Variants in CFDP1 observed in about 807,000 individuals in gnomAD.
The protein encoded by CFDP1 is heterochromatin-stabilizing protein CFDP1.
CFDP1 carries 31 observed loss-of-function variants against 40.1 expected under a neutral mutation model. The observed-to-expected ratio is 0.77, with a 90% CI of 0.58 to 1.04. CFDP1 has a LOEUF of 1.04. Ranked by LOEUF, CFDP1 falls within the 50% of genes least tolerant of loss-of-function variation. The probability of loss-of-function intolerance (pLI) is 0.00; values close to 1 mark genes in which losing one functional copy is unlikely to be tolerated. For missense variants in CFDP1, 423 were observed against 343.4 expected (o/e 1.23, Z -1.83); for synonymous variants, 167 against 120.0 (o/e 1.39, Z -2.56).
intron 5 of CFDP1, among the ~76,000 whole-genome samples, chr16:75,316,525 G>A (rs908389130): frequency 1.4e-5 from 2 of 139,366 alleles, no homozygotes; most frequent in South Asian, 4.4e-4. Context: ...AGCTGTTATC[G>A]TGCCACTGCA....
At chr16:75,304,555 G>C (rs867684890) in intron 6 of CFDP1, among the ~76,000 whole-genome samples, 2 of 152,164 alleles carry the variant, frequency 1.3e-5, no homozygotes, top group African/African-American at 4.8e-5. Context: ...CTATAGCCAA[G>C]GGTAAAGCCC....
rs554763779 is a variant in CFDP1 at position 75,331,052 on chromosome 16, G to C, written c.651-25870C>G. ...ATGGGACTTATTTCACAGCTATTCA[G>C]GACAGGCCTCCTCTGCCACAAGGCT... On this transcript the variant is annotated intron_variant, in intron 5 of 6. Coordinates refer to ENST00000283882, the MANE Select transcript of CFDP1 (RefSeq NM_006324.3). 3.2e-4 allele frequency among the ~76,000 whole-genome samples: 49 copies of C among 151,790 alleles called. No individual in the cohort carries two copies. The East Asian group carries it at 8.9e-3, about 28-fold the overall frequency.
chr16:75,297,591 C>G (rs1395786098), intron 6 of CFDP1, among the ~76,000 whole-genome samples: 1 of 152,178 alleles, frequency 6.6e-6, no homozygotes, highest in African/African-American at 2.4e-5. Context: ...TGTGCGCAGC[C>G]CTTTTGGGGG....
chr16:75,312,839 G>T (rs1217069534), intron 5 of CFDP1, among the ~76,000 whole-genome samples: 2 of 152,158 alleles, frequency 1.3e-5, no homozygotes, highest in African/African-American at 4.8e-5. Flanking sequence ...CTAAGACATG[G>T]ACTGTTTTCC....
At chr16:75,398,929 C>T (rs1474170826) in intron 4 of CFDP1, among the ~76,000 whole-genome samples, 9 of 151,754 alleles carry the variant, frequency 5.9e-5, no homozygotes, top group Non-Finnish European at 7.4e-5. Flanking sequence ...TGGTGGCGGG[C>T]GCCTGTAGTC....
At chr16:75,347,430 A>G (rs1040172691) in intron 5 of CFDP1, among the ~76,000 whole-genome samples, 3 of 151,888 alleles carry the variant, frequency 2.0e-5, no homozygotes, top group Non-Finnish European at 2.9e-5. Context: ...CTGTAATCCC[A>G]GCACTTTAGG....
chr16:75,425,336 G>A (rs2079326087), intron 1 of CFDP1, among the ~76,000 whole-genome samples: 1 of 140,898 alleles, frequency 7.1e-6, no homozygotes, highest in African/African-American at 2.7e-5. Flanking sequence ...GCAGTGAGCA[G>A]AGATCGCGCC....
chr16:75,371,515 C>A (rs1194744103), intron 5 of CFDP1, among the ~76,000 whole-genome samples: 5 of 152,130 alleles, frequency 3.3e-5, no homozygotes. Context: ...TAAAAACTAA[C>A]CTTAAGCGTT....
At chr16:75,371,693 T>C (rs1354158760) in intron 5 of CFDP1, among the ~76,000 whole-genome samples, 1 of 152,192 alleles carries the variant, frequency 6.6e-6, no homozygotes, top group Non-Finnish European at 1.5e-5. Flanking sequence ...TTGTTACATA[T>C]TAGAATAATC....
At chr16:75,366,142 C>T (rs946586777) in intron 5 of CFDP1, among the ~76,000 whole-genome samples, 1 of 152,214 alleles carries the variant, frequency 6.6e-6, no homozygotes, top group African/African-American at 2.4e-5. Context: ...TGTCCATCAA[C>T]TGATGAATGG....
At chr16:75,299,513 T>C (rs953890079) in intron 6 of CFDP1, among the ~76,000 whole-genome samples, 2 of 150,852 alleles carry the variant, frequency 1.3e-5, no homozygotes, top group Non-Finnish European at 2.9e-5. Context: ...GAGAATGGCG[T>C]GAACCCGGGA....
Position 75,293,718 on chromosome 16 carries a change from A to G in CFDP1, c.*234T>C, listed in dbSNP as rs961018558. The G allele has an allele frequency of 1.6e-5, 8 of 496,856 alleles. No homozygotes were observed. The highest frequency in any genetic ancestry group is 2.9e-5 in the Non-Finnish European group (8 of 277,406). 30.8% of individuals were successfully genotyped at this position (496,856 alleles called of 1,614,324 possible). ...GAAGGTGAGCGAGGTCGTCATCTTCATTATCCTCTCACAGGACCAACTTTT... is the reference window on the plus strand; with the variant it reads ...GAAGGTGAGCGAGGTCGTCATCTTCGTTATCCTCTCACAGGACCAACTTTT... On this transcript the variant is annotated 3_prime_UTR_variant, in exon 7 of 7. Transcript: ENST00000283882.
At chr16:75,339,292 G>A (rs2078510540) in intron 5 of CFDP1, among the ~76,000 whole-genome samples, 1 of 152,052 alleles carries the variant, frequency 6.6e-6, no homozygotes, top group Non-Finnish European at 1.5e-5. Context: ...ACCCTTTAAT[G>A]AGGTTCTAAC....
chr16:75,342,797 T>C (rs1273088788), intron 5 of CFDP1, among the ~76,000 whole-genome samples: 1 of 152,144 alleles, frequency 6.6e-6, no homozygotes, highest in African/African-American at 2.4e-5. Flanking sequence ...CAGGAAACAT[T>C]TGGTACAGTC....
rs1567636725 is a variant in CFDP1 at position 75,294,125 on chromosome 16, C to G, written c.810-83G>C. ...CACAGTCCCATCCCCCAGGGATAAACTAAGTTACAGTAAATGGTGCCGAGA... is the reference window on the plus strand; with the variant it reads ...CACAGTCCCATCCCCCAGGGATAAAGTAAGTTACAGTAAATGGTGCCGAGA... On this transcript the variant is annotated intron_variant, in intron 6 of 6. Coordinates refer to ENST00000283882, the MANE Select transcript of CFDP1 (RefSeq NM_006324.3). 3 of 1,039,026 alleles carry G rather than the reference C, an allele frequency of 2.9e-6. No homozygotes were observed. The East Asian group carries it at 7.2e-5, about 25-fold the overall frequency. 64.4% of individuals were successfully genotyped at this position (1,039,026 alleles called of 1,614,324 possible).
At chr16:75,333,118 T>C (rs891514492) in intron 5 of CFDP1, among the ~76,000 whole-genome samples, 28 of 139,156 alleles carry the variant, frequency 2.0e-4, no homozygotes, top group Admixed American at 5.9e-4. Context: ...AGCCTACTCA[T>C]GTTCTTTTTT....
Position 75,404,011 on chromosome 16 carries a change from A to G in CFDP1, c.530+7814T>C, listed in dbSNP as rs540132985. Among the ~76,000 whole-genome samples, 3 of 151,742 alleles carry G rather than the reference A, an allele frequency of 2.0e-5. No homozygotes were observed. The South Asian group carries it at 6.3e-4, about 32-fold the overall frequency. On this transcript the variant is annotated intron_variant, in intron 4 of 6. Transcript: ENST00000283882. ...GCCGGGTGCAGTGGCAGGTGCCTGT[A>G]ATCCCAGCTACTCGGGAGGCTAAGG... is the stretch of plus-strand genomic sequence containing the variant.
At chr16:75,348,170 A>G (rs188801992) in intron 5 of CFDP1, among the ~76,000 whole-genome samples, 1 of 152,288 alleles carries the variant, frequency 6.6e-6, no homozygotes, top group East Asian at 1.9e-4. Context: ...CCCAGGCTGG[A>G]GTACAGTGGT....
rs1443942829 is a variant in CFDP1 at position 75,386,581 on chromosome 16, C to T, written c.650+8509G>A. Reference sequence around the variant, plus strand: ...CTCTACTAAAAATACAAAAATTAGCCGGGCGTGGTGGCAGGCTCCTGTAAT... The same window carrying T: ...CTCTACTAAAAATACAAAAATTAGCTGGGCGTGGTGGCAGGCTCCTGTAAT... On this transcript the variant is annotated intron_variant, in intron 5 of 6. Coordinates refer to ENST00000283882, the MANE Select transcript of CFDP1 (RefSeq NM_006324.3). 4.6e-5 allele frequency among the ~76,000 whole-genome samples: 7 copies of T among 152,206 alleles called. No individual in the cohort carries two copies. In the East Asian group the frequency reaches 7.7e-4, roughly 17 times the overall value.
Sources: allele counts gnomAD v4.1 joint callset (sites outside exome capture counted in the v4.1 genomes callset), GRCh38; gene constraint gnomAD v4.1.1; transcripts MANE v1.5; gene names NCBI Gene and HGNC (gene_info 2026-07-23, HGNC 2026-07-21).